The following WDPCP variants were observed in gnomAD, a reference collection of about 807,000 sequenced individuals.
WDPCP encodes WD repeat containing planar cell polarity effector, also known as WD repeat-containing and planar cell polarity effector protein fritz homolog.
WDPCP carries 71 observed loss-of-function variants against 93.1 expected under a neutral mutation model. That is an observed-to-expected ratio of 0.76 (90% confidence interval 0.63 to 0.93). WDPCP has a LOEUF of 0.93. Among genes scored for constraint, WDPCP ranks in the 40% least tolerant of loss-of-function variants. The probability of loss-of-function intolerance (pLI) is 0.00; values close to 1 mark genes in which losing one functional copy is unlikely to be tolerated. For synonymous variants in WDPCP, 315 were observed against 315.0 expected (o/e 1.00, Z 0.00); for missense variants, 844 against 887.4 (o/e 0.95, Z 0.62).
chr2:63,575,005 T>C (rs1659577106), intron 1 of WDPCP, among the ~76,000 whole-genome samples: 1 of 152,108 alleles, frequency 6.6e-6, no homozygotes, highest in Middle Eastern at 3.2e-3. Context: ...TTGAGAATCA[T>C]GATCATATTC....
At chr2:63,667,470 TG>T (rs1420754906) in intron 2 of WDPCP, among the ~76,000 whole-genome samples, 1 of 152,248 alleles carries the variant, frequency 6.6e-6, no homozygotes, top group Non-Finnish European at 1.5e-5. Context: ...TAATTGCTTG[TG>T]GATTTGGTTG....
At chr2:63,279,303 T>C (rs1242973146) in intron 13 of WDPCP, among the ~76,000 whole-genome samples, 1 of 152,204 alleles carries the variant, frequency 6.6e-6, no homozygotes, top group Admixed American at 6.5e-5. Context: ...GTGGGTTTCA[T>C]ATCAGGGATG....
rs1700478802 is a variant in WDPCP, at chr2:63,484,954, C to T, written c.287G>A (p.Arg96His). Residue 96 changes from arginine (R) to histidine (H), a missense_variant, in exon 5 of 18, where the codon CGC (arginine) becomes CAC (histidine). Transcript: ENST00000272321. ...GAGCGAGTCTCGGAGTTTTTCTGGG[C>T]GTCTGTTTTTGAGCGTCCAAGGATA... is the stretch of plus-strand genomic sequence containing the variant. ...RDYPWTLKNR[R>H]PEKLRDSLKE... The T allele has an allele frequency of 3.7e-6, 6 of 1,612,492 alleles. No homozygotes were observed. The highest frequency in any genetic ancestry group is 1.7e-5 in the Admixed American group (1 of 59,798).
chr2:63,425,668 A>G (rs1696224615), intron 9 of WDPCP, among the ~76,000 whole-genome samples: 1 of 150,196 alleles, frequency 6.7e-6, no homozygotes, highest in Non-Finnish European at 1.5e-5. Flanking sequence ...CAGTAAGACA[A>G]ACAATTTTTA....
intron 17 of WDPCP, among the ~76,000 whole-genome samples, chr2:63,129,124 G>A (rs140812342): frequency 6.6e-6 from 1 of 152,268 alleles, no homozygotes; most frequent in African/African-American, 2.4e-5. Context: ...CCTTTTTAGG[G>A]CTGAATAATA....
intron 12 of WDPCP, among the ~76,000 whole-genome samples, chr2:63,338,780 G>A (rs1367411149): frequency 6.6e-6 from 1 of 151,246 alleles, no homozygotes; most frequent in African/African-American, 2.4e-5. Context: ...CAGTTACTAT[G>A]GCTTTGTAGT....
intron 12 of WDPCP, among the ~76,000 whole-genome samples, chr2:63,333,902 T>C (rs962581097): frequency 6.6e-6 from 1 of 152,206 alleles, no homozygotes; most frequent in Non-Finnish European, 1.5e-5. Flanking sequence ...TAGAATTATC[T>C]TGACAAGTTA....
chr2:63,246,496 A>G (rs1391213655), intron 14 of WDPCP, among the ~76,000 whole-genome samples: 1 of 152,192 alleles, frequency 6.6e-6, no homozygotes, highest in Non-Finnish European at 1.5e-5. Flanking sequence ...CCTTAGATCA[A>G]TGAAGAGTAA....
Position 63,192,036 on chromosome 2 carries a change from G to C in WDPCP, c.1916-17204C>G, listed in dbSNP as rs1011157297. Among the ~76,000 whole-genome samples the C allele has an allele frequency of 2.6e-5, 4 of 152,260 alleles. No individual in the cohort carries two copies. In the South Asian group the frequency reaches 8.3e-4, roughly 32 times the overall value. The stretch of plus-strand genomic sequence containing the variant: ...AAAAAATTTGCTCAGCCTTGATGCA[G>C]AACAAAAGGAAAAGCTCTCCTTACC... On this transcript the variant is annotated intron_variant, in intron 14 of 17. Coordinates refer to ENST00000272321, the MANE Select transcript of WDPCP (RefSeq NM_015910.7).
chr2:63,155,555 C>T (rs934574729), intron 15 of WDPCP, among the ~76,000 whole-genome samples: 1 of 144,018 alleles, frequency 6.9e-6, no homozygotes, highest in African/African-American at 2.5e-5. Context: ...TGGCAAACCA[C>T]AGTCCCTAGG....
Position 63,452,320 on chromosome 2 carries a change from CA to C in WDPCP, c.385-12450del, listed in dbSNP as rs1231904146. 4.6e-5 allele frequency among the ~76,000 whole-genome samples: 7 copies of C among 152,284 alleles called. No homozygotes were observed. In the East Asian group the frequency reaches 1.4e-3, roughly 29 times the overall value. On this transcript the variant is annotated intron_variant, in intron 6 of 17. Transcript: ENST00000272321. The stretch of plus-strand genomic sequence containing the variant: ...ATAACAGACAAAGAGAGAGCCAAAT[CA>C]CGAGCGAACTCCCATTCACAATTGC...
chr2:63,571,287 C>A, intron 1 of WDPCP: 1 of 434,390 alleles, frequency 2.3e-6, no homozygotes. Flanking sequence ...TTTACATATG[C>A]CACAAACCTC....
chr2:63,256,756 G>C (rs1177833544), intron 14 of WDPCP, among the ~76,000 whole-genome samples: 5 of 152,196 alleles, frequency 3.3e-5, no homozygotes, highest in African/African-American at 1.2e-4. Flanking sequence ...AGCAAGAAGA[G>C]TGGAAGAATT....
At chr2:63,245,260 A>C (rs973446451) in intron 14 of WDPCP, among the ~76,000 whole-genome samples, 2 of 152,208 alleles carry the variant, frequency 1.3e-5, no homozygotes, top group Non-Finnish European at 2.9e-5. Flanking sequence ...GCATAAGGCC[A>C]AGACCTATGT....
chr2:63,531,961 T>TG (rs1659295004), intron 1 of WDPCP, among the ~76,000 whole-genome samples: 1 of 151,884 alleles, frequency 6.6e-6, no homozygotes, highest in Non-Finnish European at 1.5e-5. Context: ...CTAAAAACCT[T>TG]GAAAAAAAAT....
intron 1 of WDPCP, among the ~76,000 whole-genome samples, chr2:63,496,649 T>C (rs1701239837): frequency 6.6e-6 from 1 of 152,160 alleles, no homozygotes; most frequent in Non-Finnish European, 1.5e-5. Flanking sequence ...CCAATGGTGG[T>C]GGGAGGACTG....
At chr2:63,813,445 T>C (rs1318803687) in intron 2 of WDPCP, among the ~76,000 whole-genome samples, 1 of 152,202 alleles carries the variant, frequency 6.6e-6, no homozygotes, top group African/African-American at 2.4e-5. Flanking sequence ...ATTTCTCTGG[T>C]CACAACCTGA....
At chr2:63,310,693 T>TATTTTTTTGCAAAA (rs1553603424) in intron 13 of WDPCP, among the ~76,000 whole-genome samples, 23,706 of 152,044 alleles carry the variant, frequency 0.16, 1,938 homozygotes, top group Middle Eastern at 0.23. Flanking sequence ...GTAAAAAGTC[T>TATTTTTTTGCAAAA]AAAATATTTG....
intron 17 of WDPCP, among the ~76,000 whole-genome samples, chr2:63,144,533 G>A (rs1233487445): frequency 6.6e-6 from 1 of 152,114 alleles, no homozygotes; most frequent in Non-Finnish European, 1.5e-5. Flanking sequence ...GGATTAGAGG[G>A]GTGAGCCACC....
Sources: allele counts gnomAD v4.1 joint callset (sites outside exome capture counted in the v4.1 genomes callset), GRCh38; gene constraint gnomAD v4.1.1; transcripts MANE v1.5; gene names NCBI Gene and HGNC (gene_info 2026-07-23, HGNC 2026-07-21).